The following RIMBP2 variants were observed in gnomAD, a reference collection of about 807,000 sequenced individuals.
RIMBP2 encodes the protein RIMS-binding protein 2.
RIMBP2 carries 48 observed loss-of-function variants against 118.6 expected under a neutral mutation model. The ratio of observed to expected loss-of-function variants is 0.40; its 90% CI spans 0.32 to 0.51. RIMBP2 has a LOEUF of 0.51. Among genes scored for constraint, RIMBP2 ranks in the 20% least tolerant of loss-of-function variants. The pLI is 0.41. For missense variants in RIMBP2, 1,551 were observed against 1,768.3 expected (o/e 0.88, Z 2.20); for synonymous variants, 762 against 742.9 (o/e 1.03, Z -0.42).
At chr12:130,599,185 C>A (rs2059729039) in intron 2 of RIMBP2, among the ~76,000 whole-genome samples, 1 of 152,152 alleles carries the variant, frequency 6.6e-6, no homozygotes, top group Non-Finnish European at 1.5e-5. Flanking sequence ...CAAAATAGAT[C>A]ATCAATTTGT....
intron 2 of RIMBP2, among the ~76,000 whole-genome samples, chr12:130,554,133 A>G (rs1371726713): frequency 1.3e-5 from 2 of 152,208 alleles, no homozygotes; most frequent in African/African-American, 4.8e-5. Context: ...AGCATATGTA[A>G]TAGCAAAGAA....
chr12:130,687,452 A>G (rs1354656225), intron 1 of RIMBP2, among the ~76,000 whole-genome samples: 1 of 152,158 alleles, frequency 6.6e-6, no homozygotes, highest in East Asian at 1.9e-4. Context: ...TGCACGTTTC[A>G]CTGTATAATT....
Position 130,578,089 on chromosome 12 carries a change from T to G in RIMBP2, c.-217+50233A>C, listed in dbSNP as rs2058213242. On this transcript the variant is annotated intron_variant, in intron 2 of 22. Transcript: ENST00000690449. This position sits in a 1 kb window ranked among gnomAD's most constrained non-coding sequence, Gnocchi z 4.1. ...AGATGTGAACTGGATGGTTTCACAT[T>G]AAGCCATTATCACCCAGTAGCACAC... Among the ~76,000 whole-genome samples, 1 of 152,228 alleles carries G rather than the reference T, an allele frequency of 6.6e-6. No individual in the cohort carries two copies. The highest frequency in any genetic ancestry group is 2.1e-4 in the South Asian group (1 of 4,826).
intron 2 of RIMBP2, among the ~76,000 whole-genome samples, chr12:130,592,682 C>A (rs1206676723): frequency 3.0e-4 from 43 of 144,148 alleles, no homozygotes; most frequent in African/African-American, 2.8e-4. Context: ...GAGACTCTGT[C>A]AAAAAAAAAA....
At chr12:130,448,143 T>A (rs2078694566) in intron 9 of RIMBP2, among the ~76,000 whole-genome samples, 1 of 149,196 alleles carries the variant, frequency 6.7e-6, no homozygotes, top group Non-Finnish European at 1.5e-5. Flanking sequence ...AAGGCATAAA[T>A]CCATCACCAG....
At chr12:130,646,274 ACCACCTCCCTCACCACCTGCCTCT>A (rs1555317595) in intron 1 of RIMBP2, among the ~76,000 whole-genome samples, 673 of 27,706 alleles carry the variant, frequency 0.024, 236 homozygotes, top group South Asian at 0.036. Context: ...CACCTGCCTC[ACCACCTCCCTCACCACCTGCCTCT>A]CCACCTCCCT....
intron 1 of RIMBP2, among the ~76,000 whole-genome samples, chr12:130,704,230 C>G (rs2065989762): frequency 1.3e-5 from 2 of 152,106 alleles, no homozygotes; most frequent in Admixed American, 6.5e-5. Flanking sequence ...CAACTCAACC[C>G]GCGTCCCAAA....
chr12:130,569,859 G>A (rs1279554504), intron 2 of RIMBP2, among the ~76,000 whole-genome samples: 1 of 152,118 alleles, frequency 6.6e-6, no homozygotes, highest in Non-Finnish European at 1.5e-5. Context: ...TTTCTTTACA[G>A]TAATACGTAT....
intron 4 of RIMBP2, among the ~76,000 whole-genome samples, chr12:130,502,000 T>C (rs1168615633): frequency 6.6e-6 from 1 of 152,236 alleles, no homozygotes; most frequent in African/African-American, 2.4e-5. Context: ...ATTCGAGAAG[T>C]GCCTTGCCCC....
chr12:130,397,327 A>G lies in RIMBP2; in HGVS notation c.*34T>C. The G allele has an allele frequency of 2.5e-6, 1 of 398,940 alleles. No individual in the cohort carries two copies. Among genetic ancestry groups the G allele is most frequent in the Admixed American group, 4.4e-5 (1 of 22,742 alleles). The allele number at this position is 398,940 out of a possible 1,614,324, so 24.7% of individuals were successfully genotyped here. A position where few individuals can be genotyped will look rare whatever the true frequency, so the allele number is the denominator to read the frequency against. ...CCCTAGTTTGGAATTAAAGAAAATT[A>G]CATAGATTTGGCAGTTGTCCGGAAG... On this transcript the variant is annotated 3_prime_UTR_variant, in exon 23 of 23. Coordinates refer to ENST00000690449, the MANE Select transcript of RIMBP2 (RefSeq NM_001393629.1).
At chr12:130,654,306 C>G (rs2136291868) in intron 1 of RIMBP2, among the ~76,000 whole-genome samples, 1 of 152,268 alleles carries the variant, frequency 6.6e-6, no homozygotes, top group South Asian at 2.1e-4. Flanking sequence ...TTTCTTCCAC[C>G]AGATACCCTA....
At chr12:130,541,578 C>T (rs2054606287) in intron 2 of RIMBP2, among the ~76,000 whole-genome samples, 1 of 152,210 alleles carries the variant, frequency 6.6e-6, no homozygotes, top group Non-Finnish European at 1.5e-5. Flanking sequence ...TACTCATCAG[C>T]TTATTTTAAA....
chr12:130,640,092 C>A (rs1352040619), intron 1 of RIMBP2, among the ~76,000 whole-genome samples: 1 of 152,172 alleles, frequency 6.6e-6, no homozygotes, highest in Non-Finnish European at 1.5e-5. Context: ...CGCCCCAGAA[C>A]AATGGGCATC....
chr12:130,550,510 G>A (rs559127116), intron 2 of RIMBP2, among the ~76,000 whole-genome samples: 76 of 152,326 alleles, frequency 5.0e-4, no homozygotes, highest in African/African-American at 1.8e-3. Flanking sequence ...CCAGGCTGTG[G>A]TCATGGTACC....
At chr12:130,700,481 C>T (rs2065804242) in intron 1 of RIMBP2, among the ~76,000 whole-genome samples, 1 of 152,116 alleles carries the variant, frequency 6.6e-6, no homozygotes, top group African/African-American at 2.4e-5. Context: ...TGGGATCATG[C>T]TGGGTCAGGG....
At position 130,646,053 on chromosome 12, in the gene RIMBP2, CCCTCACCACCTG is replaced by C. The variant is rs1344065465; in HGVS notation, c.-351-17609_-351-17598del. Among the ~76,000 whole-genome samples, 824 of 127,604 alleles carry C rather than the reference CCCTCACCACCTG, an allele frequency of 6.5e-3. 16 individuals are homozygous for C. The highest frequency in any genetic ancestry group is 0.014 in the African/African-American group (501 of 36,046). 83.7% of individuals were successfully genotyped at this position (127,604 alleles called of 152,430 possible). A position where few individuals can be genotyped will look rare whatever the true frequency, so the allele number is the denominator to read the frequency against. Reference sequence around the variant, plus strand: ...GCGGCAGCCAGTTCCCTCTCCACCTCCCTCACCACCTGCCTCTCCACCTCCCTCACCACTTCC... The same window carrying C: ...GCGGCAGCCAGTTCCCTCTCCACCTCCCTCTCCACCTCCCTCACCACTTCC... On this transcript the variant is annotated intron_variant, in intron 1 of 22. Transcript: ENST00000690449.
chr12:130,577,708 TATC>T (rs58164069), intron 2 of RIMBP2, among the ~76,000 whole-genome samples: 8,462 of 152,220 alleles, frequency 0.056, 355 homozygotes, highest in East Asian at 0.19. Flanking sequence ...TTGCTATTAT[TATC>T]ATCATTATAT....
chr12:130,601,048 A>G (rs1380867252), intron 2 of RIMBP2, among the ~76,000 whole-genome samples: 5 of 152,332 alleles, frequency 3.3e-5, no homozygotes, highest in African/African-American at 1.2e-4. Context: ...TGCTGACTGC[A>G]CATTCTCTGC....
In RIMBP2 at chr12:130,441,414, A is replaced by ATAATAATAATC. The variant is rs1566042293; in HGVS notation, c.1504+433_1504+434insGATTATTATTA. 3.3e-3 allele frequency among the ~76,000 whole-genome samples: 249 copies of ATAATAATAATC among 75,734 alleles called. 4 individuals are homozygous for ATAATAATAATC. The highest frequency in any genetic ancestry group is 0.026 in the Admixed American group (202 of 7,672). The allele number at this position is 75,734 out of a possible 152,430, so 49.7% of individuals were successfully genotyped here. The stretch of plus-strand genomic sequence containing the variant: ...AGACTCCATCTCAAATAATAATAAT[A>ATAATAATAATC]ATAATAATAATAATAATAATAATAA... On this transcript the variant is annotated intron_variant, in intron 11 of 22. Transcript: ENST00000690449.
Sources: gnomAD v4.1 joint callset for allele counts (sites outside exome capture counted in the v4.1 genomes callset) on GRCh38, gnomAD v4.1.1 for gene constraint, Gnocchi (gnomAD v3.1) non-coding constraint, MANE v1.5 for transcripts, NCBI Gene and HGNC (gene_info 2026-07-23, HGNC 2026-07-21) for gene names.